ADIPOR1: variants seen among roughly 807,000 people sequenced by gnomAD.
The protein encoded by ADIPOR1 is adiponectin receptor protein 1.
In ADIPOR1, 15 loss-of-function variants were observed where a neutral mutation model predicts 37.5. That is an observed-to-expected ratio of 0.40 (90% CI 0.27 to 0.62). The LOEUF is 0.62. ADIPOR1 is among the 20% of genes least tolerant of loss of function. The pLI is 0.42. For synonymous variants in ADIPOR1, 173 were observed against 173.2 expected, an observed-to-expected ratio of 1.00 and a Z score of 0.01; for missense variants, 286 against 478.0, an observed-to-expected ratio of 0.60 and a Z score of 3.75.
chr1:202,954,172 T>G (rs1654690913), intron 1 of ADIPOR1: 1 of 152,270 alleles, frequency 6.6e-6, no homozygotes, highest in East Asian at 1.9e-4. Context: ...AGACCCCAGT[T>G]AACTCACAAA....
At chr1:202,945,290 T>G in intron 4 of ADIPOR1, 121 bp from the exon 5 acceptor site, 1 of 986,058 alleles carries the variant, frequency 1.0e-6, no homozygotes, top group Non-Finnish European at 1.4e-6. Flanking sequence ...GAAATACAAA[T>G]TAAAAGCACA....
At chr1:202,948,179 A>C in intron 3 of ADIPOR1, 125 bp downstream of exon 3, 1 of 785,564 alleles carries the variant, frequency 1.3e-6, no homozygotes, top group Middle Eastern at 4.1e-4. Context: ...CATCTTAACC[A>C]AAAAACAAAT....
intron 1 of ADIPOR1, among the ~76,000 whole-genome samples, chr1:202,953,225 T>A (rs1416309166): frequency 4.0e-5 from 5 of 124,796 alleles, no homozygotes; most frequent in African/African-American, 1.5e-4. Context: ...TAAAAAATAC[T>A]TTATATCGCA....
intron 1 of ADIPOR1, among the ~76,000 whole-genome samples, chr1:202,954,877 G>A (rs946579022): frequency 2.6e-5 from 4 of 152,126 alleles, no homozygotes; most frequent in African/African-American, 4.8e-5. Context: ...TCCAGGCTAC[G>A]GCACACCTTT....
At position 202,941,467 on chromosome 1, in the gene ADIPOR1, G is replaced by A. The variant is rs1654080099; in HGVS notation, c.*106C>T. ...TGGTTGGTACTGAATTCTCTAAGAG[G>A]TTTCTTCTAGAAACAGACAACTCAG... On this transcript the variant is annotated 3_prime_UTR_variant, in exon 8 of 8. Coordinates refer to ENST00000340990, the MANE Select transcript of ADIPOR1 (RefSeq NM_015999.6). 1.4e-6 allele frequency: 2 copies of A among 1,408,734 alleles called. No homozygotes were observed. Among genetic ancestry groups the A allele is most frequent in the South Asian group, 3.0e-5 (2 of 67,226 alleles). The allele number at this position is 1,408,734 out of a possible 1,614,324, so 87.3% of individuals were successfully genotyped here.
At chr1:202,955,372 C>A (rs1215416631) in intron 1 of ADIPOR1, among the ~76,000 whole-genome samples, 2 of 149,450 alleles carry the variant, frequency 1.3e-5, no homozygotes, top group Admixed American at 6.7e-5. Context: ...GGACTACAGG[C>A]ATGTGCCACC....
intron 4 of ADIPOR1, 82 bp from the exon 5 acceptor site, chr1:202,945,251 A>C (rs924581199): frequency 7.9e-7 from 1 of 1,267,214 alleles, no homozygotes; most frequent in Non-Finnish European, 1.1e-6. Flanking sequence ...TGAATCAGAG[A>C]GCTACAGGCA....
At chr1:202,950,871 T>C in intron 2 of ADIPOR1, 59 bp downstream of exon 2, 2 of 1,596,892 alleles carry the variant, frequency 1.3e-6, no homozygotes, top group Non-Finnish European at 8.6e-7. Flanking sequence ...AAAGAGAAAA[T>C]GACAGAGTTC....
chr1:202,947,248 G>A (rs777537154), intron 3 of ADIPOR1, among the ~76,000 whole-genome samples: 1 of 152,120 alleles, frequency 6.6e-6, no homozygotes, highest in South Asian at 2.1e-4. Context: ...CAGGCTGGGC[G>A]CAGTGGTTCA....
At chr1:202,947,997 T>G (rs753610874) in intron 3 of ADIPOR1, among the ~76,000 whole-genome samples, 2 of 152,234 alleles carry the variant, frequency 1.3e-5, no homozygotes, top group Non-Finnish European at 2.9e-5. Context: ...TCATCATTCA[T>G]GTATATTTAA....
At chr1:202,948,266 G>A in intron 3 of ADIPOR1, 38 bp downstream of exon 3, 1 of 1,516,680 alleles carries the variant, frequency 6.6e-7, no homozygotes, top group Non-Finnish European at 8.9e-7. Flanking sequence ...CAGGCCTGCT[G>A]CCCTTCCCCT....
intron 2 of ADIPOR1, among the ~76,000 whole-genome samples, chr1:202,950,478 G>C (rs1654527337): frequency 6.6e-6 from 1 of 152,088 alleles, no homozygotes; most frequent in Non-Finnish European, 1.5e-5. Flanking sequence ...ATGTGGGTAT[G>C]ATGGGCACAT....
intron 1 of ADIPOR1, among the ~76,000 whole-genome samples, chr1:202,953,326 G>C (rs565515804): frequency 6.6e-6 from 1 of 151,938 alleles, no homozygotes; most frequent in South Asian, 2.1e-4. Flanking sequence ...GAAAAGAGGG[G>C]CACACTTAGC....
At chr1:202,946,758 T>A in intron 3 of ADIPOR1, 148 bp from the exon 4 acceptor site, 1 of 692,614 alleles carries the variant, frequency 1.4e-6, no homozygotes, top group Non-Finnish European at 2.4e-6. Context: ...CTGGGGGATA[T>A]CCAAGACATA....
At chr1:202,942,827 T>C (rs1382686385) in intron 6 of ADIPOR1, among the ~76,000 whole-genome samples, 1 of 151,864 alleles carries the variant, frequency 6.6e-6, no homozygotes, top group Non-Finnish European at 1.5e-5. Flanking sequence ...TGGTGCTTGA[T>C]AAATATTTAA....
intron 7 of ADIPOR1, 64 bp from the exon 8 acceptor site, chr1:202,941,765 G>A (rs1185473517): frequency 1.3e-6 from 2 of 1,550,636 alleles, no homozygotes; most frequent in African/African-American, 2.8e-5. Flanking sequence ...ACAAGTAGGA[G>A]AAAGCATTTG....
At chr1:202,949,391 T>C (rs1228023341) in intron 2 of ADIPOR1, among the ~76,000 whole-genome samples, 1 of 150,986 alleles carries the variant, frequency 6.6e-6, no homozygotes, top group Non-Finnish European at 1.5e-5. Flanking sequence ...CCATCCTGGC[T>C]AACACGGTGA....
intron 6 of ADIPOR1, among the ~76,000 whole-genome samples, chr1:202,942,871 CT>C (rs10682231): frequency 0.014 from 1,646 of 116,720 alleles, 19 homozygotes; most frequent in Non-Finnish European, 0.023. Context: ...TTCTTTCTTT[CT>C]TTTTTTTTTT....
chr1:202,948,089 T>A (rs1654404598), intron 3 of ADIPOR1, among the ~76,000 whole-genome samples: 1 of 152,186 alleles, frequency 6.6e-6, no homozygotes, highest in Non-Finnish European at 1.5e-5. Flanking sequence ...TAGAAAAGAA[T>A]CCGTTTTAAG....
Sources: allele counts gnomAD v4.1 joint callset (sites outside exome capture counted in the v4.1 genomes callset), GRCh38; gene constraint gnomAD v4.1.1; transcripts MANE v1.5; gene names NCBI Gene and HGNC (gene_info 2026-07-23, HGNC 2026-07-21).